KLRF1: variants seen among roughly 807,000 people sequenced by gnomAD.
KLRF1 encodes killer cell lectin-like receptor subfamily F member 1.
In KLRF1, 27 loss-of-function variants were observed where a neutral mutation model predicts 30.7. The observed-to-expected ratio is 0.88, with a 90% CI of 0.65 to 1.21. The LOEUF (loss-of-function observed/expected upper bound fraction) is 1.21, where lower values mean the gene tolerates loss of function less well. Among genes scored for constraint, KLRF1 ranks in the 50% most tolerant of loss-of-function variants. The probability of loss-of-function intolerance (pLI) is 0.00; values close to 1 mark genes in which losing one functional copy is unlikely to be tolerated. For missense variants in KLRF1, 246 were observed against 259.3 expected, an observed-to-expected ratio of 0.95 and a Z score of 0.35; for synonymous variants, 92 against 89.3, an observed-to-expected ratio of 1.03 and a Z score of -0.17.
chr12:9,808,606 T>A, the KLRF1 span, among the ~76,000 whole-genome samples: 1 of 152,148 alleles, frequency 6.6e-6, no homozygotes, highest in Admixed American at 6.5e-5. Context: ...CTAACAGTAG[T>A]TTCTCCATGT....
the KLRF1 span, among the ~76,000 whole-genome samples, chr12:9,800,512 G>A: frequency 7.2e-5 from 11 of 151,832 alleles, no homozygotes; most frequent in Middle Eastern, 3.4e-3. Context: ...CACTCTGTGC[G>A]CCTTTGTATA....
chr12:9,832,277 C>A, intron 1 of KLRF1, 39 bp from the exon 2 acceptor site: 1 of 1,101,902 alleles, frequency 9.1e-7, no homozygotes, highest in Non-Finnish European at 1.4e-6. Context: ...TTCCTGGAAG[C>A]ATACTTTTCT....
chr12:9,825,260 T>A (rs1198775495), upstream of KLRF1, among the ~76,000 whole-genome samples: 4 of 138,082 alleles, frequency 2.9e-5, no homozygotes, highest in Admixed American at 7.2e-5. Context: ...AAGGTACTGG[T>A]AAAAAAAAAA....
At chr12:9,835,370 G>A (rs773248444) in intron 3 of KLRF1, among the ~76,000 whole-genome samples, 1 of 152,176 alleles carries the variant, frequency 6.6e-6, no homozygotes, top group East Asian at 1.9e-4. Flanking sequence ...ACCAGAGGTT[G>A]TAATGGGGAC....
upstream of KLRF1, among the ~76,000 whole-genome samples, chr12:9,826,948 A>G (rs1029185081): frequency 3.9e-5 from 6 of 152,054 alleles, no homozygotes; most frequent in African/African-American, 1.5e-4. Context: ...GGGTGATGAA[A>G]TAATATGTAC....
chr12:9,841,447 C>A (rs906844914), intron 3 of KLRF1, among the ~76,000 whole-genome samples: 4 of 151,960 alleles, frequency 2.6e-5, no homozygotes, highest in African/African-American at 9.7e-5. Flanking sequence ...TGCACGTATA[C>A]CCCTGAACTT....
At chr12:9,804,013 G>C in the KLRF1 span, among the ~76,000 whole-genome samples, 1 of 152,142 alleles carries the variant, frequency 6.6e-6, no homozygotes, top group Middle Eastern at 3.4e-3. Context: ...TTGCCAAACT[G>C]TTTACCAAAG....
chr12:9,827,573 T>G lies in KLRF1; in HGVS notation c.29T>G (p.Leu10Trp), dbSNP rs899311216. 4 of 1,607,394 alleles carry G rather than the reference T, an allele frequency of 2.5e-6. No homozygotes were observed. The highest frequency in any genetic ancestry group is 2.6e-6 in the Non-Finnish European group (3 of 1,175,446). MQDEERYMT[L>W]NVQSKKRSSA... ...CAAGATGAAGAAAGATACATGACAT[T>G]GAATGTACAGTCAAAGAAAAGGAGT... The change falls in exon 1 of 6, where the codon TTG (leucine) becomes TGG (tryptophan). Residue 10 changes from leucine to tryptophan, a missense_variant. Leu to Trp is a moderately conservative substitution (Grantham distance 61). Coordinates refer to ENST00000617889, the MANE Select transcript of KLRF1 (RefSeq NM_016523.3).
chr12:9,807,327 T>A, the KLRF1 span, among the ~76,000 whole-genome samples: 1 of 152,096 alleles, frequency 6.6e-6, no homozygotes, highest in Non-Finnish European at 1.5e-5. Context: ...AGTAAACATT[T>A]TTAGATTTTG....
chr12:9,810,708 T>C, the KLRF1 span, among the ~76,000 whole-genome samples: 1 of 152,344 alleles, frequency 6.6e-6, no homozygotes, highest in East Asian at 1.9e-4. Flanking sequence ...AAGTGTTTAT[T>C]TCAAATTTCG....
the KLRF1 span, among the ~76,000 whole-genome samples, chr12:9,808,292 C>T: frequency 2.0e-5 from 3 of 152,038 alleles, no homozygotes; most frequent in Admixed American, 2.0e-4. Context: ...GCTTTTCCCC[C>T]AATGTGTTTG....
chr12:9,823,713 GAAA>G (rs372874302), upstream of KLRF1, among the ~76,000 whole-genome samples: 12 of 140,970 alleles, frequency 8.5e-5, no homozygotes, highest in Non-Finnish European at 1.9e-4. Flanking sequence ...TGGTTTTTTG[GAAA>G]AAAAAAAAAG....
At chr12:9,842,237 C>CT (rs1867718670) in intron 4 of KLRF1, 84 bp from the exon 5 acceptor site, 8 of 1,490,370 alleles carry the variant, frequency 5.4e-6, no homozygotes, top group Non-Finnish European at 5.5e-6. Context: ...ATGCAGAGTG[C>CT]TTTTTTGCAA....
At chr12:9,834,825 A>G (rs898176730) in intron 3 of KLRF1, among the ~76,000 whole-genome samples, 1 of 152,036 alleles carries the variant, frequency 6.6e-6, no homozygotes, top group East Asian at 1.9e-4. Flanking sequence ...GATTTAGGTA[A>G]AAACAACACT....
chr12:9,833,478 C>A (rs764337292), intron 3 of KLRF1, 26 bp downstream of exon 3: 1 of 1,560,388 alleles, frequency 6.4e-7, no homozygotes, highest in Non-Finnish European at 8.6e-7. Context: ...TTGGCTTATC[C>A]TAGTTTTAAT....
At chr12:9,814,435 T>C in the KLRF1 span, among the ~76,000 whole-genome samples, 2 of 152,116 alleles carry the variant, frequency 1.3e-5, no homozygotes, top group Non-Finnish European at 2.9e-5. Flanking sequence ...ACATAGGGGA[T>C]TGGGTTGTCT....
the KLRF1 span, among the ~76,000 whole-genome samples, chr12:9,808,093 T>C: frequency 6.6e-6 from 1 of 152,066 alleles, no homozygotes; most frequent in South Asian, 2.1e-4. Context: ...GTTTATTTTG[T>C]ATGTGAGTAC....
chr12:9,819,629 G>T, the KLRF1 span, among the ~76,000 whole-genome samples: 1 of 152,082 alleles, frequency 6.6e-6, no homozygotes, highest in Non-Finnish European at 1.5e-5. Context: ...GTGTTTTTGA[G>T]CTGGCAACAG....
the KLRF1 span, among the ~76,000 whole-genome samples, chr12:9,807,293 TTA>T: frequency 6.6e-6 from 1 of 152,140 alleles, no homozygotes; most frequent in Non-Finnish European, 1.5e-5. Context: ...TTATATAATT[TTA>T]TGTCTTTTAA....
Sources: gnomAD v4.1 joint callset for allele counts (sites outside exome capture counted in the v4.1 genomes callset) on GRCh38, gnomAD v4.1.1 for gene constraint, MANE v1.5 for transcripts, NCBI Gene and HGNC (gene_info 2026-07-23, HGNC 2026-07-21) for gene names.